MSI2: variants seen among roughly 807,000 people sequenced by gnomAD.
The protein encoded by MSI2 is RNA-binding protein Musashi homolog 2.
A neutral mutation model predicts 45.6 loss-of-function variants in MSI2; 17 were observed. That is an observed-to-expected ratio of 0.37 (90% CI 0.26 to 0.56). The LOEUF (loss-of-function observed/expected upper bound fraction) is 0.56. Ranked by LOEUF, MSI2 falls within the 20% of genes least tolerant of loss-of-function variation. The probability of loss-of-function intolerance (pLI) is 0.77; values close to 1 mark genes in which losing one functional copy is unlikely to be tolerated. For missense variants in MSI2, 293 were observed against 444.2 expected, an observed-to-expected ratio of 0.66 and a Z score of 3.06; for synonymous variants, 156 against 158.2, an observed-to-expected ratio of 0.99 and a Z score of 0.11.
intron 6 of MSI2, among the ~76,000 whole-genome samples, chr17:57,453,232 C>T (rs1291891147): frequency 6.6e-6 from 1 of 152,000 alleles, no homozygotes; most frequent in African/African-American, 2.4e-5. Flanking sequence ...AACTCCTGAC[C>T]TCAAGCAATC....
At chr17:57,333,816 C>T (rs1264494084) in intron 5 of MSI2, among the ~76,000 whole-genome samples, 2 of 151,868 alleles carry the variant, frequency 1.3e-5, no homozygotes, top group African/African-American at 2.4e-5. Context: ...AAAAGATTTG[C>T]CCTCTAGGAT....
chr17:57,485,448 C>G (rs1219842514), intron 6 of MSI2, among the ~76,000 whole-genome samples: 2 of 152,198 alleles, frequency 1.3e-5, no homozygotes, highest in Admixed American at 6.5e-5. Context: ...AAAACAGACT[C>G]ATTTGCACAG....
chr17:57,392,305 T>A (rs2083808683), intron 5 of MSI2, among the ~76,000 whole-genome samples: 3 of 152,314 alleles, frequency 2.0e-5, no homozygotes. Flanking sequence ...GAAGTAGTAT[T>A]TTTTAAATTA....
chr17:57,695,015 G>A, the MSI2 span, among the ~76,000 whole-genome samples: 1 of 152,204 alleles, frequency 6.6e-6, no homozygotes, highest in Non-Finnish European at 1.5e-5. Flanking sequence ...GAGATAAATT[G>A]AACCCTTTGG....
At chr17:57,647,381 G>A (rs1347593043) in intron 10 of MSI2, among the ~76,000 whole-genome samples, 4 of 151,064 alleles carry the variant, frequency 2.6e-5, no homozygotes, top group African/African-American at 9.7e-5. Context: ...CCCTGGAGGC[G>A]GAGGTTGCGG....
chr17:57,687,013 C>CG (rs966440838), downstream of MSI2, among the ~76,000 whole-genome samples: 16 of 147,618 alleles, frequency 1.1e-4, no homozygotes, highest in Admixed American at 5.3e-4. Flanking sequence ...CAGCCCCCCC[C>CG]CCAAAAAATT....
At chr17:57,537,297 G>A (rs541314464) in intron 7 of MSI2, among the ~76,000 whole-genome samples, 47 of 152,042 alleles carry the variant, frequency 3.1e-4, no homozygotes, top group African/African-American at 9.9e-4. Context: ...GGGCACACCC[G>A]CCTCTTCACT....
intron 7 of MSI2, among the ~76,000 whole-genome samples, chr17:57,573,038 GC>G (rs763756911): frequency 2.0e-5 from 3 of 152,174 alleles, no homozygotes; most frequent in Non-Finnish European, 4.4e-5. Flanking sequence ...GAGCAGGAGT[GC>G]CCCCTCGTAG....
chr17:57,688,807 G>A (rs554206563), downstream of MSI2, among the ~76,000 whole-genome samples: 5 of 152,186 alleles, frequency 3.3e-5, no homozygotes, highest in African/African-American at 1.2e-4. Flanking sequence ...GTGGGAGAGG[G>A]GGATAGGAAG....
chr17:57,274,944 A>G (rs1347410863), intron 5 of MSI2, among the ~76,000 whole-genome samples: 1 of 152,260 alleles, frequency 6.6e-6, no homozygotes, highest in Non-Finnish European at 1.5e-5. Flanking sequence ...ATAAGGCACC[A>G]GGTGTATGAT....
chr17:57,665,379 G>T (rs1222254973), intron 11 of MSI2, among the ~76,000 whole-genome samples: 1 of 152,230 alleles, frequency 6.6e-6, no homozygotes, highest in African/African-American at 2.4e-5. Flanking sequence ...TGTTATTAAA[G>T]ACCTAATTAG....
chr17:57,264,790 C>T (rs1304401182), intron 5 of MSI2: 1 of 152,242 alleles, frequency 6.6e-6, no homozygotes, highest in Non-Finnish European at 1.5e-5. Context: ...TGTGGGGGTA[C>T]CTCAGGGGAT....
At position 57,280,768 on chromosome 17, in the gene MSI2, T is replaced by C. The variant is rs942425873; in HGVS notation, c.312+18576T>C. On this transcript the variant is annotated intron_variant, in intron 5 of 13. Coordinates refer to ENST00000284073, the MANE Select transcript of MSI2 (RefSeq NM_138962.4). This position sits in a 1 kb window ranked among gnomAD's most constrained non-coding sequence, Gnocchi z 4.2. ...ACATACATATACTTCTGTACTAAAA[T>C]AGCATGCTCCTAATAAGGCAAATCA... Among the ~76,000 whole-genome samples the C allele has an allele frequency of 3.9e-5, 6 of 152,108 alleles. No homozygotes were observed. Among genetic ancestry groups the C allele is most frequent in the African/African-American group, 1.4e-4 (6 of 41,432 alleles).
At chr17:57,618,403 A>G (rs536375258) in intron 9 of MSI2, 14 of 152,274 alleles carry the variant, frequency 9.2e-5, no homozygotes, top group African/African-American at 3.4e-4. Context: ...TGTTTCTGAA[A>G]AAATATAAAA....
intron 6 of MSI2, among the ~76,000 whole-genome samples, chr17:57,434,957 T>A (rs552786892): frequency 6.6e-6 from 1 of 152,126 alleles, no homozygotes; most frequent in Non-Finnish European, 1.5e-5. Flanking sequence ...CTCACTTTCA[T>A]GAAACATACA....
intron 6 of MSI2, among the ~76,000 whole-genome samples, chr17:57,515,647 A>G (rs562660440): frequency 3.7e-4 from 57 of 152,300 alleles, no homozygotes; most frequent in Admixed American, 3.3e-4. Flanking sequence ...CCTGAGGACT[A>G]GGGAGAGGAA....
intron 5 of MSI2, among the ~76,000 whole-genome samples, chr17:57,371,439 C>T (rs542639257): frequency 6.6e-6 from 1 of 151,914 alleles, no homozygotes; most frequent in South Asian, 2.1e-4. Context: ...CCCCCCAACG[C>T]CACTATTTAC....
At chr17:57,622,198 A>G (rs908544174) in intron 9 of MSI2, among the ~76,000 whole-genome samples, 20 of 152,212 alleles carry the variant, frequency 1.3e-4, no homozygotes, top group Non-Finnish European at 2.4e-4. Context: ...TTCCATCTCA[A>G]AAACAAACAA....
chr17:57,366,924 A>C (rs1917239427), intron 5 of MSI2, among the ~76,000 whole-genome samples: 1 of 152,162 alleles, frequency 6.6e-6, no homozygotes, highest in African/African-American at 2.4e-5. Flanking sequence ...TTGAGTTCAG[A>C]GGCACAACAG....
Sources: gnomAD v4.1 joint callset for allele counts (sites outside exome capture counted in the v4.1 genomes callset) on GRCh38, gnomAD v4.1.1 for gene constraint, Gnocchi (gnomAD v3.1) non-coding constraint, MANE v1.5 for transcripts, NCBI Gene and HGNC (gene_info 2026-07-23, HGNC 2026-07-21) for gene names.